Variants in TK2 observed in about 807,000 individuals in gnomAD.
The protein encoded by TK2 is thymidine kinase 2.
TK2 carries 35 observed loss-of-function variants against 41.9 expected under a neutral mutation model. The ratio of observed to expected loss-of-function variants is 0.84; its 90% CI spans 0.64 to 1.11. TK2 has a LOEUF of 1.11. Ranked by LOEUF, TK2 falls within the 50% of genes least tolerant of loss-of-function variation. The pLI, the probability that TK2 is intolerant of heterozygous loss-of-function variation, is 0.00. For synonymous variants in TK2, 128 were observed against 129.1 expected (o/e 0.99, Z 0.06); for missense variants, 320 against 351.1 (o/e 0.91, Z 0.71).
intron 2 of TK2, chr16:66,548,169 C>A: frequency 2.6e-6 from 1 of 383,010 alleles, no homozygotes; most frequent in Admixed American, 2.9e-5. Flanking sequence ...CTCCTAATTT[C>A]AACAAACTTC....
rs1964644940 is a variant in TK2 at position 66,517,319 on chromosome 16, G to T, written c.539-104C>A. On this transcript the variant is annotated intron_variant, in intron 7 of 9. Transcript: ENST00000544898. The surrounding 1 kb of genome is among the most constrained non-coding windows in gnomAD (Gnocchi z 4.3). The stretch of plus-strand genomic sequence containing the variant: ...AGGAAGGTCTGCACAGCTCGAGCAG[G>T]AAGCAGGGAGGGCCAGCTCTTGGCT... 7 of 963,522 alleles carry T rather than the reference G, an allele frequency of 7.3e-6. No individual in the cohort carries two copies. Among genetic ancestry groups the T allele is most frequent in the Non-Finnish European group, 1.2e-5 (7 of 589,856 alleles). 59.7% of individuals were successfully genotyped at this position (963,522 alleles called of 1,614,324 possible).
Position 66,536,978 on chromosome 16 carries a change from C to T in TK2, c.271G>A (p.Gly91Ser), listed in dbSNP as rs775630435. 2.5e-6 allele frequency: 4 copies of T among 1,614,064 alleles called. No homozygotes were observed. Among genetic ancestry groups the T allele is most frequent in the Non-Finnish European group, 3.4e-6 (4 of 1,180,022 alleles). ...EPVSKWRNVR[G>S]HNPLGLMYHD... ...AACCCACTCACCAGAGGATTGTGGC[C>T]ACGGACATTTCTCCACTTGGACACA... Residue 91 changes from glycine to serine, a missense_variant, in exon 4 of 10, where the codon GGC becomes AGC. Physicochemically the swap from Gly to Ser is moderately conservative, Grantham distance 56. Coordinates refer to ENST00000544898, the MANE Select transcript of TK2 (RefSeq NM_004614.5).
In TK2 at chr16:66,514,531, C is replaced by T. The variant is rs1243277854; in HGVS notation, c.619-720G>A. ...AAGTGCCGAGATTGCAGCCTCTGCC[C>T]GGCTGCCACCCCGTCTAGGAAGTGA... On this transcript the variant is annotated intron_variant, in intron 8 of 9. Transcript: ENST00000544898. This position sits in a 1 kb window ranked among gnomAD's most constrained non-coding sequence, Gnocchi z 4.2. Among the ~76,000 whole-genome samples the T allele has an allele frequency of 6.6e-6, 1 of 152,186 alleles. No individual in the cohort carries two copies. Among genetic ancestry groups the T allele is most frequent in the South Asian group, 2.1e-4 (1 of 4,834 alleles).
At chr16:66,530,576 A>T (rs1965079121) in intron 5 of TK2, among the ~76,000 whole-genome samples, 1 of 152,316 alleles carries the variant, frequency 6.6e-6, no homozygotes, top group African/African-American at 2.4e-5. Context: ...TGAAGGTTAA[A>T]TAAGTGGTTC....
intron 6 of TK2, chr16:66,518,170 C>T (rs1053399510): frequency 2.6e-5 from 11 of 430,134 alleles, no homozygotes; most frequent in Non-Finnish European, 4.4e-5. Flanking sequence ...AAAGCTTGTA[C>T]CCTGAGAACA....
chr16:66,543,489 C>G (rs556682774), intron 2 of TK2, among the ~76,000 whole-genome samples: 1 of 152,168 alleles, frequency 6.6e-6, no homozygotes, highest in Non-Finnish European at 1.5e-5. Flanking sequence ...ATACATAAGA[C>G]AAACTGTCCC....
intron 3 of TK2, among the ~76,000 whole-genome samples, chr16:66,540,173 C>CTTTTT (rs200305417): frequency 7.6e-6 from 1 of 130,782 alleles, no homozygotes; most frequent in African/African-American, 2.9e-5. Context: ...TTTCTTTTTT[C>CTTTTT]TTTTTTTTTT....
Position 66,514,212 on chromosome 16 carries a change from C to T in TK2, c.619-401G>A, listed in dbSNP as rs1316719740. Among the ~76,000 whole-genome samples, 1 of 152,030 alleles carries T rather than the reference C, an allele frequency of 6.6e-6. No individual in the cohort carries two copies. The highest frequency in any genetic ancestry group is 1.5e-5 in the Non-Finnish European group (1 of 67,994). On this transcript the variant is annotated intron_variant, in intron 8 of 9. Transcript: ENST00000544898. This position sits in a 1 kb window ranked among gnomAD's most constrained non-coding sequence, Gnocchi z 4.2. ...CTGCCGCCAACTCGACTCACTGCAA[C>T]CTCCCTGCCTGATTCTCCTGCCTCA... is the stretch of plus-strand genomic sequence containing the variant.
Position 66,524,143 on chromosome 16 carries a change from CAG to C in TK2, c.449+4849_449+4850del, listed in dbSNP as rs1964861676. Reference sequence around the variant, plus strand: ...GAAACCACAGGCCAGGTGCAGGAAACAGGAAATCCTGCACTGCGCAGAACTTT... The same window carrying C: ...GAAACCACAGGCCAGGTGCAGGAAACGAAATCCTGCACTGCGCAGAACTTT... On this transcript the variant is annotated intron_variant, in intron 6 of 9. Transcript: ENST00000544898. 2.0e-5 allele frequency among the ~76,000 whole-genome samples: 3 copies of C among 152,248 alleles called. No individual in the cohort carries two copies. The South Asian group carries it at 6.2e-4, about 32-fold the overall frequency.
chr16:66,517,608 T>G lies in TK2; in HGVS notation c.538+181A>C, dbSNP rs1324079864. 6.6e-6 allele frequency among the ~76,000 whole-genome samples: 1 copy of G among 152,184 alleles called. No individual in the cohort carries two copies. The highest frequency in any genetic ancestry group is 1.5e-5 in the Non-Finnish European group (1 of 68,034). ...GAACAAAGGCCAGGGTTCTTCTCCATGAGAGACCAGAAGTCCCGAATTCTG... is the reference window on the plus strand; with the variant it reads ...GAACAAAGGCCAGGGTTCTTCTCCAGGAGAGACCAGAAGTCCCGAATTCTG... On this transcript the variant is annotated intron_variant, in intron 7 of 9. Transcript: ENST00000544898. This position sits in a 1 kb window ranked among gnomAD's most constrained non-coding sequence, Gnocchi z 4.3.
chr16:66,528,274 A>G (rs1964996268), intron 6 of TK2, among the ~76,000 whole-genome samples: 1 of 152,142 alleles, frequency 6.6e-6, no homozygotes, highest in South Asian at 2.1e-4. Flanking sequence ...ACCCCTAGAA[A>G]TCGGCAGTCT....
chr16:66,541,759 C>T (rs995635473), intron 3 of TK2, 120 bp downstream of exon 3: 6 of 1,000,062 alleles, frequency 6.0e-6, no homozygotes, highest in Admixed American at 1.9e-5. Context: ...TTAAATTACA[C>T]CTGTGGCTTG....
intron 6 of TK2, among the ~76,000 whole-genome samples, chr16:66,519,176 T>C (rs749189569): frequency 4.0e-5 from 6 of 151,016 alleles, no homozygotes; most frequent in Non-Finnish European, 8.9e-5. Flanking sequence ...TTAGCCAGGA[T>C]GGTCTATTTT....
At chr16:66,542,506 A>C (rs549380090) in intron 2 of TK2, among the ~76,000 whole-genome samples, 1 of 152,338 alleles carries the variant, frequency 6.6e-6, no homozygotes, top group East Asian at 1.9e-4. Flanking sequence ...ATCACATGTA[A>C]CCTCACTGAA....
chr16:66,513,898 T>C (rs1597074318), intron 8 of TK2, 87 bp from the exon 9 acceptor site: 1 of 1,147,226 alleles, frequency 8.7e-7, no homozygotes, highest in Non-Finnish European at 1.3e-6. Flanking sequence ...GTCAAAGTAG[T>C]CAATGACCAT....
intron 2 of TK2, among the ~76,000 whole-genome samples, chr16:66,542,788 C>G: frequency 6.6e-6 from 1 of 152,226 alleles, no homozygotes; most frequent in South Asian, 2.1e-4. Flanking sequence ...CTAGGACCAC[C>G]TGGGACCTTT....
chr16:66,544,938 T>C (rs990113165), intron 2 of TK2, among the ~76,000 whole-genome samples: 1 of 151,828 alleles, frequency 6.6e-6, no homozygotes, highest in Non-Finnish European at 1.5e-5. Context: ...AATACAAAAA[T>C]TAGCCAGGCG....
Position 66,531,451 on chromosome 16 carries a change from C to T in TK2, c.304G>A (p.Ala102Thr). The T allele has an allele frequency of 6.2e-7, 1 of 1,614,156 alleles. No individual in the cohort carries two copies. The highest frequency in any genetic ancestry group is 8.5e-7 in the Non-Finnish European group (1 of 1,180,036). ...HNPLGLMYHD[A>T]SRWGLTLQTY... Reference sequence around the variant, plus strand: ...TGTAGCGTAAGACCCCAGCGAGAGGCATCGTGGTACATCAGGCCCTGCAGA... The same window carrying T: ...TGTAGCGTAAGACCCCAGCGAGAGGTATCGTGGTACATCAGGCCCTGCAGA... The change falls in exon 5 of 10, where the codon GCC (alanine) becomes ACC (threonine). Residue 102 changes from alanine (A) to threonine (T), a missense_variant. Coordinates refer to ENST00000544898, the MANE Select transcript of TK2 (RefSeq NM_004614.5).
Position 66,517,777 on chromosome 16 carries a change from G to A in TK2, c.538+12C>T, listed in dbSNP as rs1388447965. Reference sequence around the variant, plus strand: ...AGAGACAAGAGAGGGAGGTGGGAGGGGTGCATCTCACCTATCAAATCAACA... The same window carrying A: ...AGAGACAAGAGAGGGAGGTGGGAGGAGTGCATCTCACCTATCAAATCAACA... On this transcript the variant is annotated intron_variant, in intron 7 of 9. Transcript: ENST00000544898. The surrounding 1 kb of genome is among the most constrained non-coding windows in gnomAD (Gnocchi z 4.3). 4 of 1,610,928 alleles carry A rather than the reference G, an allele frequency of 2.5e-6. No homozygotes were observed. Among genetic ancestry groups the A allele is most frequent in the Non-Finnish European group, 3.4e-6 (4 of 1,177,272 alleles).
Sources: gnomAD v4.1 joint callset for allele counts (sites outside exome capture counted in the v4.1 genomes callset) on GRCh38, gnomAD v4.1.1 for gene constraint, Gnocchi (gnomAD v3.1) non-coding constraint, MANE v1.5 for transcripts, NCBI Gene and HGNC (gene_info 2026-07-23, HGNC 2026-07-21) for gene names.